CDH13: variants seen among roughly 807,000 people sequenced by gnomAD.
The protein encoded by CDH13 is cadherin 13, also known as cadherin-13.
In CDH13, 24 loss-of-function variants were observed where a neutral mutation model predicts 63.8. That is an observed-to-expected ratio of 0.38 (90% CI 0.27 to 0.53). The LOEUF is 0.53. Ranked by LOEUF, CDH13 falls within the 20% of genes least tolerant of loss-of-function variation. The pLI, the probability that CDH13 is intolerant of heterozygous loss-of-function variation, is 0.85. For synonymous variants in CDH13, 503 were observed against 355.3 expected, an observed-to-expected ratio of 1.42 and a Z score of -4.67; for missense variants, 1,049 against 903.1, an observed-to-expected ratio of 1.16 and a Z score of -2.07.
At chr16:82,795,801 C>G (rs1018025758) in intron 1 of CDH13, among the ~76,000 whole-genome samples, 1 of 152,144 alleles carries the variant, frequency 6.6e-6, no homozygotes, top group Non-Finnish European at 1.5e-5. Flanking sequence ...GCCAGTTTGT[C>G]TTGGGTCCTG....
intron 8 of CDH13, among the ~76,000 whole-genome samples, chr16:83,648,410 T>C (rs894330900): frequency 1.3e-5 from 2 of 152,162 alleles, no homozygotes; most frequent in African/African-American, 4.8e-5. Context: ...TAAGGCTTCA[T>C]GGTAGTTAAT....
rs148626624 is a variant in CDH13 at position 83,000,680 on chromosome 16, C to T, written c.158-31330C>T. 4.4e-4 allele frequency among the ~76,000 whole-genome samples: 66 copies of T among 150,152 alleles called. No homozygotes were observed. In the East Asian group the frequency reaches 0.012, roughly 28 times the overall value. On this transcript the variant is annotated intron_variant, in intron 2 of 13. Transcript: ENST00000567109. ...CTGCAAGCTCCGCCTCCTGGGTTCACGCCATTCTCCTGCCTCAGCTTCCCA... is the reference window on the plus strand; with the variant it reads ...CTGCAAGCTCCGCCTCCTGGGTTCATGCCATTCTCCTGCCTCAGCTTCCCA...
intron 5 of CDH13, among the ~76,000 whole-genome samples, chr16:83,281,673 C>T (rs936566975): frequency 1.3e-5 from 2 of 151,634 alleles, no homozygotes; most frequent in African/African-American, 4.9e-5. Context: ...TTTTGGTAGG[C>T]TGAGGTGTGC....
rs59825967 is a variant in CDH13 at position 83,660,727 on chromosome 16, C to T, written c.1102-10063C>T. ...TGTTATTGTTTCTTGAAAAGCCATT[C>T]TTCCTCCAGATTCAGATGTTGGTGG... is the stretch of plus-strand genomic sequence containing the variant. On this transcript the variant is annotated intron_variant, in intron 8 of 13. Coordinates refer to ENST00000567109, the MANE Select transcript of CDH13 (RefSeq NM_001257.5). Among the ~76,000 whole-genome samples the T allele has an allele frequency of 3.4e-3, 525 of 152,366 alleles. 5 individuals are homozygous for T. Among genetic ancestry groups the T allele is most frequent in the African/African-American group, 0.012 (501 of 41,588 alleles).
chr16:82,699,821 A>G (rs2030770690), intron 1 of CDH13, among the ~76,000 whole-genome samples: 1 of 152,238 alleles, frequency 6.6e-6, no homozygotes, highest in Non-Finnish European at 1.5e-5. Context: ...TTGAGAGAGG[A>G]ATGTCCCATC....
chr16:82,746,554 T>C (rs1472392483), intron 1 of CDH13, among the ~76,000 whole-genome samples: 1 of 152,156 alleles, frequency 6.6e-6, no homozygotes. Context: ...AATATGACTT[T>C]ATGCCTTCAT....
At chr16:82,986,995 G>A (rs1348756940) in intron 2 of CDH13, among the ~76,000 whole-genome samples, 1 of 152,150 alleles carries the variant, frequency 6.6e-6, no homozygotes, top group Admixed American at 6.5e-5. Context: ...TTATCTTGAT[G>A]GAATTAGAAT....
intron 5 of CDH13, among the ~76,000 whole-genome samples, chr16:83,285,508 G>A (rs79272862): frequency 6.6e-6 from 1 of 150,878 alleles, no homozygotes; most frequent in South Asian, 2.1e-4. Flanking sequence ...AAAATATTCA[G>A]GGAAAAAAAA....
intron 7 of CDH13, among the ~76,000 whole-genome samples, chr16:83,597,974 A>G (rs896937698): frequency 1.3e-5 from 2 of 152,234 alleles, no homozygotes; most frequent in African/African-American, 2.4e-5. Context: ...CTTTGGAGAA[A>G]GAGACTTGTT....
At chr16:83,619,270 T>A (rs1291409402) in intron 8 of CDH13, among the ~76,000 whole-genome samples, 2 of 152,174 alleles carry the variant, frequency 1.3e-5, no homozygotes, top group African/African-American at 2.4e-5. Flanking sequence ...GAAGCATGGC[T>A]GGGGACAACC....
At chr16:83,229,808 C>A (rs748363685) in intron 5 of CDH13, among the ~76,000 whole-genome samples, 2 of 152,154 alleles carry the variant, frequency 1.3e-5, no homozygotes, top group Non-Finnish European at 1.5e-5. Flanking sequence ...ACTCAGGAAT[C>A]CTCGTTCCTG....
chr16:82,882,102 T>A lies in CDH13; in HGVS notation c.157+23629T>A, dbSNP rs1043497088. ...AGTCTGATTCACATCAGAGCTTTTT[T>A]AAAAAAATAAATATCAGGAATTTTT... On this transcript the variant is annotated intron_variant, in intron 2 of 13. Coordinates refer to ENST00000567109, the MANE Select transcript of CDH13 (RefSeq NM_001257.5). Among the ~76,000 whole-genome samples the A allele has an allele frequency of 4.6e-5, 7 of 152,322 alleles. No homozygotes were observed. In the South Asian group the frequency reaches 6.2e-4, roughly 14 times the overall value.
rs551328113 is a variant in CDH13 at position 83,023,354 on chromosome 16, G to C, written c.158-8656G>C. 2.7e-4 allele frequency among the ~76,000 whole-genome samples: 41 copies of C among 151,502 alleles called. 1 individual carries two copies. The highest frequency in any genetic ancestry group is 9.7e-4 in the African/African-American group (40 of 41,260). ...GTGTTCTAAGATTATCTCAAAGAAT[G>C]ATGTTATGCAATTTATTCCAATAAA... On this transcript the variant is annotated intron_variant, in intron 2 of 13. Transcript: ENST00000567109.
intron 2 of CDH13, among the ~76,000 whole-genome samples, chr16:82,916,633 T>A (rs1050141798): frequency 3.3e-5 from 5 of 152,126 alleles, no homozygotes; most frequent in Non-Finnish European, 7.4e-5. Context: ...AATGCCATGA[T>A]AGATACATTC....
At chr16:83,003,529 GCAAA>G (rs1296799267) in intron 2 of CDH13, among the ~76,000 whole-genome samples, 1 of 152,166 alleles carries the variant, frequency 6.6e-6, no homozygotes, top group Non-Finnish European at 1.5e-5. Flanking sequence ...GCAAGGAAAA[GCAAA>G]CAAAGAAGGA....
intron 1 of CDH13, among the ~76,000 whole-genome samples, chr16:82,764,077 C>T (rs74028287): frequency 6.6e-6 from 1 of 152,364 alleles, no homozygotes; most frequent in African/African-American, 2.4e-5. Context: ...CCTTTTATTA[C>T]TGCCCAGACC....
intron 5 of CDH13, among the ~76,000 whole-genome samples, chr16:83,313,133 T>C (rs1461000255): frequency 2.0e-5 from 3 of 152,194 alleles, no homozygotes; most frequent in Non-Finnish European, 4.4e-5. Flanking sequence ...CAAACTGTTT[T>C]AAACACTTGT....
intron 3 of CDH13, among the ~76,000 whole-genome samples, chr16:83,116,415 C>A (rs935976607): frequency 2.0e-5 from 3 of 152,182 alleles, no homozygotes; most frequent in Non-Finnish European, 4.4e-5. Flanking sequence ...AGGGATGTCC[C>A]CTGAGCATGG....
At chr16:83,755,233 A>G (rs1169190726) in intron 11 of CDH13, among the ~76,000 whole-genome samples, 1 of 152,218 alleles carries the variant, frequency 6.6e-6, no homozygotes, top group Non-Finnish European at 1.5e-5. Context: ...ACAGCAGAAC[A>G]CAGGATTTTT....
Sources: gnomAD v4.1 joint callset for allele counts (sites outside exome capture counted in the v4.1 genomes callset) on GRCh38, gnomAD v4.1.1 for gene constraint, MANE v1.5 for transcripts, NCBI Gene and HGNC (gene_info 2026-07-23, HGNC 2026-07-21) for gene names.